Variants in HERC4 observed in about 807,000 individuals in gnomAD.
HERC4 encodes the protein HECT and RLD domain containing E3 ubiquitin protein ligase 4.
HERC4 carries 28 observed loss-of-function variants against 124.3 expected under a neutral mutation model. The observed-to-expected ratio is 0.23, with a 90% CI of 0.17 to 0.31. The LOEUF (loss-of-function observed/expected upper bound fraction) is 0.31, where lower values mean the gene tolerates loss of function less well. Ranked by LOEUF, HERC4 falls within the 10% of genes least tolerant of loss-of-function variation. HERC4 has a pLI of 1.00. For synonymous variants in HERC4, 407 were observed against 421.5 expected, an observed-to-expected ratio of 0.97 and a Z score of 0.42; for missense variants, 713 against 1,229.3, an observed-to-expected ratio of 0.58 and a Z score of 6.28.
chr10:67,944,588 T>A (rs577505530), intron 19 of HERC4, among the ~76,000 whole-genome samples: 1 of 152,186 alleles, frequency 6.6e-6, no homozygotes, highest in South Asian at 2.1e-4. Context: ...CAGGAAAACA[T>A]GACCTCACCA....
chr10:68,022,466 T>C (rs1444962736), intron 8 of HERC4, among the ~76,000 whole-genome samples: 1 of 151,450 alleles, frequency 6.6e-6, no homozygotes, highest in African/African-American at 2.4e-5. Flanking sequence ...GCCATTGCAT[T>C]CCAGCCTGAG....
At chr10:67,976,868 C>G (rs955841389) in intron 15 of HERC4, among the ~76,000 whole-genome samples, 15 of 152,190 alleles carry the variant, frequency 9.9e-5, no homozygotes, top group African/African-American at 3.1e-4. Flanking sequence ...CAGCCCTAGC[C>G]AGAGGGGAAC....
At chr10:68,021,551 G>A (rs564184307) in intron 8 of HERC4, among the ~76,000 whole-genome samples, 15 of 152,334 alleles carry the variant, frequency 9.8e-5, no homozygotes, top group African/African-American at 3.6e-4. Flanking sequence ...GCTCATGCCT[G>A]TAATCCCAGC....
chr10:68,029,777 C>T (rs929247961), intron 7 of HERC4, among the ~76,000 whole-genome samples: 101 of 147,560 alleles, frequency 6.8e-4, no homozygotes, highest in African/African-American at 2.4e-3. Flanking sequence ...GTCTCGCTGT[C>T]GACCAGGCTG....
rs139548183 is a variant in HERC4 at position 67,922,722 on chromosome 10, C to CA, written c.*208dup. 21 of 356,492 alleles carry CA rather than the reference C, an allele frequency of 5.9e-5. No homozygotes were observed. Among genetic ancestry groups the CA allele is most frequent in the East Asian group, 1.6e-4 (4 of 24,270 alleles). The allele number at this position is 356,492 out of a possible 1,614,324, so 22.1% of individuals were successfully genotyped here. On this transcript the variant is annotated 3_prime_UTR_variant, in exon 25 of 25. Coordinates refer to ENST00000373700, the MANE Select transcript of HERC4 (RefSeq NM_015601.4). ...CTTGCTATGTTTATTAGAAGATGGT[C>CA]AAAAAAAATCCATGGTTCTGTACAA... is the stretch of plus-strand genomic sequence containing the variant.
chr10:67,991,048 T>C, intron 12 of HERC4, 33 bp from the exon 13 acceptor site: 1 of 1,355,340 alleles, frequency 7.4e-7, no homozygotes, highest in Non-Finnish European at 9.9e-7. Context: ...AAAAATAGAA[T>C]AAAAATTTAA....
At chr10:68,021,681 G>A (rs187781650) in intron 8 of HERC4, among the ~76,000 whole-genome samples, 15 of 152,240 alleles carry the variant, frequency 9.9e-5, no homozygotes, top group Non-Finnish European at 2.1e-4. Context: ...GGTGGCACAT[G>A]CCTGTAATCC....
At chr10:67,923,383 A>G (rs187608211) in intron 24 of HERC4, among the ~76,000 whole-genome samples, 51 of 152,302 alleles carry the variant, frequency 3.3e-4, no homozygotes, top group African/African-American at 1.2e-3. Flanking sequence ...TAAATGTTTG[A>G]TAAGTGAGTA....
At chr10:67,949,419 C>A (rs2033632734) in intron 19 of HERC4, among the ~76,000 whole-genome samples, 1 of 152,146 alleles carries the variant, frequency 6.6e-6, no homozygotes, top group Admixed American at 6.5e-5. Context: ...GGGAATATTT[C>A]CTAAATCATT....
chr10:68,071,021 A>G (rs999511165), intron 3 of HERC4, among the ~76,000 whole-genome samples: 3 of 152,106 alleles, frequency 2.0e-5, no homozygotes, highest in Non-Finnish European at 4.4e-5. Context: ...TTAACTCCCA[A>G]CCCAGACTCT....
chr10:68,022,498 T>G (rs900901438), intron 8 of HERC4, among the ~76,000 whole-genome samples: 13 of 115,690 alleles, frequency 1.1e-4, no homozygotes, highest in East Asian at 4.5e-4. Flanking sequence ...AAACTCCATC[T>G]CAAAATAAAT....
At chr10:68,024,646 C>G (rs1368208986) in intron 8 of HERC4, among the ~76,000 whole-genome samples, 2 of 152,140 alleles carry the variant, frequency 1.3e-5, no homozygotes, top group African/African-American at 4.8e-5. Context: ...AGAATACTTA[C>G]AGTGTGATTA....
chr10:67,925,282 G>T, intron 23 of HERC4, 95 bp from the exon 24 acceptor site: 1 of 614,118 alleles, frequency 1.6e-6, no homozygotes, highest in Non-Finnish European at 2.9e-6. Flanking sequence ...TGCAACTTGT[G>T]CAATTCAATG....
At chr10:68,017,505 C>T (rs966176860) in intron 8 of HERC4, among the ~76,000 whole-genome samples, 1 of 152,092 alleles carries the variant, frequency 6.6e-6, no homozygotes, top group African/African-American at 2.4e-5. Context: ...TTTTTTGAGA[C>T]AGAGTTTTCG....
chr10:68,023,560 G>A (rs896428473), intron 8 of HERC4, among the ~76,000 whole-genome samples: 2 of 152,072 alleles, frequency 1.3e-5, no homozygotes, highest in Non-Finnish European at 2.9e-5. Flanking sequence ...ATGGAGAATA[G>A]GGAGTCATTG....
Position 68,052,550 on chromosome 10 carries a change from C to T in HERC4, c.227-7987G>A, listed in dbSNP as rs193067179. 5.3e-5 allele frequency among the ~76,000 whole-genome samples: 8 copies of T among 152,250 alleles called. No individual in the cohort carries two copies. The East Asian group carries it at 1.3e-3, about 26-fold the overall frequency. The stretch of plus-strand genomic sequence containing the variant: ...ACAAATATCATTAAAAAAAAGAATA[C>T]TGTCTCACATACAGGATAGACAAGT... On this transcript the variant is annotated intron_variant, in intron 3 of 24. Coordinates refer to ENST00000373700, the MANE Select transcript of HERC4 (RefSeq NM_015601.4).
chr10:67,925,064 C>T (rs375263391), intron 24 of HERC4, 21 bp downstream of exon 24: 7 of 1,271,354 alleles, frequency 5.5e-6, no homozygotes, highest in East Asian at 2.3e-5. Flanking sequence ...ATAAAGTATA[C>T]AACTAGTTAG....
chr10:67,946,396 C>CACACACACACAA (rs920956046), intron 19 of HERC4, among the ~76,000 whole-genome samples: 26 of 142,268 alleles, frequency 1.8e-4, no homozygotes, highest in African/African-American at 6.4e-4. Flanking sequence ...CACACACACA[C>CACACACACACAA]AAGACCCAAT....
chr10:68,018,379 A>T (rs974622256), intron 8 of HERC4, among the ~76,000 whole-genome samples: 1 of 152,214 alleles, frequency 6.6e-6, no homozygotes, highest in Non-Finnish European at 1.5e-5. Flanking sequence ...ACTTAGTCTG[A>T]TAGAGGTTAT....
Sources: allele counts gnomAD v4.1 joint callset (sites outside exome capture counted in the v4.1 genomes callset), GRCh38; gene constraint gnomAD v4.1.1; transcripts MANE v1.5; gene names NCBI Gene and HGNC (gene_info 2026-07-23, HGNC 2026-07-21).